The following SH3GL2 variants were observed in gnomAD, a reference collection of about 807,000 sequenced individuals.
SH3GL2 encodes endophilin-A1.
SH3GL2 carries 24 observed loss-of-function variants against 46.0 expected under a neutral mutation model. The ratio of observed to expected loss-of-function variants is 0.52; its 90% CI spans 0.38 to 0.73. The LOEUF (loss-of-function observed/expected upper bound fraction) is 0.73. Among genes scored for constraint, SH3GL2 ranks in the 30% least tolerant of loss-of-function variants. The probability of loss-of-function intolerance (pLI) is 0.00; values close to 1 mark genes in which losing one functional copy is unlikely to be tolerated. For missense variants in SH3GL2, 413 were observed against 424.2 expected, an observed-to-expected ratio of 0.97 and a Z score of 0.23; for synonymous variants, 196 against 147.1, an observed-to-expected ratio of 1.33 and a Z score of -2.40.
chr9:17,760,728 G>A (rs1342175655), intron 2 of SH3GL2, among the ~76,000 whole-genome samples: 1 of 152,136 alleles, frequency 6.6e-6, no homozygotes, highest in Non-Finnish European at 1.5e-5. Flanking sequence ...GCGAATAGGA[G>A]GCCCACAGAT....
chr9:17,612,702 G>A (rs574220909), intron 1 of SH3GL2, among the ~76,000 whole-genome samples: 1 of 152,176 alleles, frequency 6.6e-6, no homozygotes, highest in South Asian at 2.1e-4. Context: ...CCTATTGAAA[G>A]TGTACTGTTT....
intron 3 of SH3GL2, among the ~76,000 whole-genome samples, chr9:17,777,593 G>A (rs1053396876): frequency 5.3e-5 from 8 of 152,040 alleles, no homozygotes; most frequent in Non-Finnish European, 1.2e-4. Flanking sequence ...CAAGTTGCTT[G>A]ACCATGTTTT....
At position 17,688,244 on chromosome 9, in the gene SH3GL2, C is replaced by A. The variant is rs1032407383; in HGVS notation, c.46-58822C>A. 3.3e-5 allele frequency among the ~76,000 whole-genome samples: 5 copies of A among 151,928 alleles called. No homozygotes were observed. In the South Asian group the frequency reaches 1.0e-3, roughly 31 times the overall value. On this transcript the variant is annotated intron_variant, in intron 1 of 8. Transcript: ENST00000380607. ...AGACTCAGCATCACAATGTGGCAGC[C>A]TTTTTGGCCAAATTTTCAACCACTG...
At chr9:17,793,051 C>G (rs942690307) in intron 7 of SH3GL2, among the ~76,000 whole-genome samples, 1 of 152,130 alleles carries the variant, frequency 6.6e-6, no homozygotes, top group African/African-American at 2.4e-5. Context: ...TGTACAAGAA[C>G]TGTGTTTTAA....
At chr9:17,681,015 T>G (rs1175190048) in intron 1 of SH3GL2, among the ~76,000 whole-genome samples, 1 of 152,160 alleles carries the variant, frequency 6.6e-6, no homozygotes, top group Non-Finnish European at 1.5e-5. Flanking sequence ...TAATTTCTGT[T>G]CTTTTACATT....
intron 2 of SH3GL2, among the ~76,000 whole-genome samples, chr9:17,754,546 G>A (rs1418752316): frequency 2.6e-5 from 4 of 151,994 alleles, no homozygotes; most frequent in Admixed American, 1.3e-4. Context: ...GGTGGCAGGC[G>A]CCTGTAGTCC....
chr9:17,598,655 G>A (rs1168431017), intron 1 of SH3GL2, among the ~76,000 whole-genome samples: 3 of 152,288 alleles, frequency 2.0e-5, no homozygotes, highest in African/African-American at 7.2e-5. Context: ...GACCTAGTAG[G>A]TTGGATCAGG....
chr9:17,737,119 A>C (rs921492670), intron 1 of SH3GL2, among the ~76,000 whole-genome samples: 9 of 151,956 alleles, frequency 5.9e-5, no homozygotes, highest in Non-Finnish European at 1.3e-4. Context: ...ACAAAACACC[A>C]CATGTTCTCA....
intron 1 of SH3GL2, chr9:17,590,400 C>G (rs1374304609): frequency 6.6e-6 from 1 of 152,180 alleles, no homozygotes; most frequent in Admixed American, 6.5e-5. Flanking sequence ...ATCCAGAGAT[C>G]TTCTACTTCT....
At chr9:17,619,075 A>G (rs1819070960) in intron 1 of SH3GL2, among the ~76,000 whole-genome samples, 1 of 152,198 alleles carries the variant, frequency 6.6e-6, no homozygotes, top group African/African-American at 2.4e-5. Context: ...TACAATTCTC[A>G]GCACTTTATG....
intron 1 of SH3GL2, among the ~76,000 whole-genome samples, chr9:17,650,908 A>T (rs1819939546): frequency 6.6e-6 from 1 of 152,118 alleles, no homozygotes; most frequent in Non-Finnish European, 1.5e-5. Context: ...TTAATGCTAG[A>T]ACAATAGGAA....
At chr9:17,687,570 A>G (rs1000253505) in intron 1 of SH3GL2, among the ~76,000 whole-genome samples, 1 of 152,152 alleles carries the variant, frequency 6.6e-6, no homozygotes, top group African/African-American at 2.4e-5. Flanking sequence ...CATGTTCTTC[A>G]TAGTATAGTC....
intron 1 of SH3GL2, among the ~76,000 whole-genome samples, chr9:17,741,897 C>G (rs959278923): frequency 1.3e-5 from 2 of 151,750 alleles, no homozygotes; most frequent in African/African-American, 4.8e-5. Context: ...GATGGGGAGT[C>G]ACAGATGATG....
chr9:17,729,898 C>T (rs1822125553), intron 1 of SH3GL2, among the ~76,000 whole-genome samples: 1 of 152,126 alleles, frequency 6.6e-6, no homozygotes, highest in Admixed American at 6.6e-5. Context: ...TGGCATGATG[C>T]CTCCAGCTTT....
chr9:17,622,332 G>A (rs532240106), intron 1 of SH3GL2, among the ~76,000 whole-genome samples: 2 of 152,292 alleles, frequency 1.3e-5, no homozygotes, highest in Non-Finnish European at 1.5e-5. Context: ...GTCTAAATGG[G>A]AGGATAGCTT....
At chr9:17,741,082 C>G (rs111407983) in intron 1 of SH3GL2, among the ~76,000 whole-genome samples, 12 of 151,972 alleles carry the variant, frequency 7.9e-5, no homozygotes, top group African/African-American at 2.9e-4. Context: ...ATGGATTGCC[C>G]CATAATGCAG....
At chr9:17,637,079 C>T (rs1437529250) in intron 1 of SH3GL2, among the ~76,000 whole-genome samples, 3 of 152,190 alleles carry the variant, frequency 2.0e-5, no homozygotes, top group South Asian at 4.1e-4. Flanking sequence ...CAGATGGTCT[C>T]TTCTGGTCTG....
intron 1 of SH3GL2, among the ~76,000 whole-genome samples, chr9:17,605,290 T>C (rs988016034): frequency 1.3e-5 from 2 of 152,160 alleles, no homozygotes; most frequent in African/African-American, 2.4e-5. Flanking sequence ...CAGTTACTTT[T>C]GTTTCCAATC....
At chr9:17,686,976 A>C (rs139735690) in intron 1 of SH3GL2, among the ~76,000 whole-genome samples, 1,586 of 152,042 alleles carry the variant, frequency 0.01, 17 homozygotes, top group Middle Eastern at 0.024. Context: ...TCGACAGTGG[A>C]ATCTTTGCAA....
Sources: allele counts gnomAD v4.1 joint callset (sites outside exome capture counted in the v4.1 genomes callset), GRCh38; gene constraint gnomAD v4.1.1; transcripts MANE v1.5; gene names NCBI Gene and HGNC (gene_info 2026-07-23, HGNC 2026-07-21).